The following ZMAT4 variants were observed in gnomAD, a reference collection of about 807,000 sequenced individuals.
ZMAT4 encodes the protein zinc finger matrin-type protein 4.
In ZMAT4, 17 loss-of-function variants were observed where a neutral mutation model predicts 28.7. That is an observed-to-expected ratio of 0.59 (90% CI 0.41 to 0.89). ZMAT4 has a LOEUF of 0.89. Ranked by LOEUF, ZMAT4 falls within the 40% of genes least tolerant of loss-of-function variation. The probability of loss-of-function intolerance (pLI) is 0.00; values close to 1 mark genes in which losing one functional copy is unlikely to be tolerated. For synonymous variants in ZMAT4, 117 were observed against 109.2 expected, an observed-to-expected ratio of 1.07 and a Z score of -0.44; for missense variants, 240 against 283.8, an observed-to-expected ratio of 0.85 and a Z score of 1.11.
intron 2 of ZMAT4, among the ~76,000 whole-genome samples, chr8:40,782,254 T>G (rs1813867762): frequency 6.6e-6 from 1 of 151,842 alleles, no homozygotes; most frequent in Admixed American, 6.6e-5. Flanking sequence ...GGCATGGTGG[T>G]GGGTGCCTGT....
chr8:40,611,010 G>C (rs916438949), intron 5 of ZMAT4, among the ~76,000 whole-genome samples: 1 of 150,498 alleles, frequency 6.6e-6, no homozygotes, highest in Non-Finnish European at 1.5e-5. Context: ...AAAAAGACCC[G>C]AGTGGCATCT....
At chr8:40,880,719 G>C (rs1006132652) in intron 1 of ZMAT4, among the ~76,000 whole-genome samples, 2 of 152,128 alleles carry the variant, frequency 1.3e-5, no homozygotes, top group African/African-American at 4.8e-5. Context: ...CTCCACGCTT[G>C]GCTCCAAAGC....
At chr8:40,547,833 A>G (rs768212183) in intron 6 of ZMAT4, among the ~76,000 whole-genome samples, 1 of 152,232 alleles carries the variant, frequency 6.6e-6, no homozygotes, top group East Asian at 1.9e-4. Flanking sequence ...GAGACTCACG[A>G]TGAATGAAAA....
At chr8:40,647,927 T>A (rs983981566) in intron 5 of ZMAT4, among the ~76,000 whole-genome samples, 13 of 152,054 alleles carry the variant, frequency 8.5e-5, no homozygotes, top group Non-Finnish European at 1.6e-4. Context: ...CATCTGTACA[T>A]CACCATCATC....
At chr8:40,570,952 G>A (rs1804078682) in intron 6 of ZMAT4, among the ~76,000 whole-genome samples, 1 of 152,072 alleles carries the variant, frequency 6.6e-6, no homozygotes, top group African/African-American at 2.4e-5. Flanking sequence ...ATTGGTACTG[G>A]AGGACTAATC....
intron 4 of ZMAT4, among the ~76,000 whole-genome samples, chr8:40,689,984 C>T (rs1051457587): frequency 3.9e-5 from 6 of 152,040 alleles, no homozygotes; most frequent in African/African-American, 1.4e-4. Context: ...GCAGTAGGCT[C>T]CTTGTTAAAA....
At chr8:40,833,555 A>AAAAAAAAAAAAAAAAAAAAAAAAAAAAC in intron 1 of ZMAT4, among the ~76,000 whole-genome samples, 1 of 150,632 alleles carries the variant, frequency 6.6e-6, no homozygotes, top group Non-Finnish European at 1.5e-5. Flanking sequence ...AAAAAAAAAA[A>AAAAAAAAAAAAAAAAAAAAAAAAAAAAC]AAAGACATGA....
chr8:40,847,492 CT>C (rs1286878075), intron 1 of ZMAT4, among the ~76,000 whole-genome samples: 1 of 152,152 alleles, frequency 6.6e-6, no homozygotes. Context: ...TTAAGCCTCC[CT>C]AGTTTCAGCC....
At chr8:40,803,971 A>G (rs1483254343) in intron 2 of ZMAT4, among the ~76,000 whole-genome samples, 1 of 152,220 alleles carries the variant, frequency 6.6e-6, no homozygotes, top group Non-Finnish European at 1.5e-5. Context: ...TACATTTAAG[A>G]AGCTAATCTG....
intron 3 of ZMAT4, among the ~76,000 whole-genome samples, chr8:40,725,746 G>A (rs905691686): frequency 3.9e-5 from 6 of 152,084 alleles, no homozygotes; most frequent in Admixed American, 3.3e-4. Flanking sequence ...ACTCCAGCCT[G>A]GTGTCAGAGT....
At chr8:40,840,706 C>G (rs1816669497) in intron 1 of ZMAT4, among the ~76,000 whole-genome samples, 1 of 152,140 alleles carries the variant, frequency 6.6e-6, no homozygotes, top group African/African-American at 2.4e-5. Context: ...GGCATTGTTT[C>G]TGGTGATGCT....
intron 1 of ZMAT4, among the ~76,000 whole-genome samples, chr8:40,834,147 C>G (rs1359761619): frequency 6.6e-6 from 1 of 152,194 alleles, no homozygotes; most frequent in East Asian, 1.9e-4. Flanking sequence ...TGCACCTCAC[C>G]CCAGCCGCGG....
intron 2 of ZMAT4, among the ~76,000 whole-genome samples, chr8:40,801,351 A>ATATATATATATATATATATATAT (rs1554559738): frequency 1.0e-4 from 10 of 97,248 alleles, no homozygotes; most frequent in African/African-American, 3.7e-4. Flanking sequence ...TAAAAAAAAA[A>ATATATATATATATATATATATAT]ATATATATAT....
chr8:40,631,803 T>C (rs916858006), intron 5 of ZMAT4, among the ~76,000 whole-genome samples: 7 of 152,156 alleles, frequency 4.6e-5, no homozygotes, highest in African/African-American at 1.4e-4. Flanking sequence ...TGATTTCTGG[T>C]AGGAGAGCTA....
chr8:40,663,669 T>C (rs765912298), intron 5 of ZMAT4, among the ~76,000 whole-genome samples: 1 of 152,078 alleles, frequency 6.6e-6, no homozygotes, highest in African/African-American at 2.4e-5. Context: ...TCAGAGTGAG[T>C]CTACATAGAA....
intron 4 of ZMAT4, among the ~76,000 whole-genome samples, chr8:40,683,957 C>T (rs890632924): frequency 6.6e-6 from 1 of 151,646 alleles, no homozygotes; most frequent in Non-Finnish European, 1.5e-5. Context: ...CCCAGCCACA[C>T]AGGGAGGGGC....
At chr8:40,755,945 T>C (rs879676952) in intron 3 of ZMAT4, among the ~76,000 whole-genome samples, 1 of 152,174 alleles carries the variant, frequency 6.6e-6, no homozygotes, top group Non-Finnish European at 1.5e-5. Context: ...TCGCATCTAT[T>C]GATTTTCTAA....
intron 1 of ZMAT4, among the ~76,000 whole-genome samples, chr8:40,876,646 T>G (rs2150659265): frequency 6.6e-6 from 1 of 152,328 alleles, no homozygotes; most frequent in East Asian, 1.9e-4. Flanking sequence ...TATTTTCTTT[T>G]CTCTAGCTTA....
chr8:40,752,104 A>C lies in ZMAT4; in HGVS notation c.192+15537T>G, dbSNP rs542614975. Reference sequence around the variant, plus strand: ...AAGTAACCCCAGTCCTCCTACTGGAAGCACATATCAGATCACTGCTGACTT... The same window carrying C: ...AAGTAACCCCAGTCCTCCTACTGGACGCACATATCAGATCACTGCTGACTT... On this transcript the variant is annotated intron_variant, in intron 3 of 6. Transcript: ENST00000297737. Among the ~76,000 whole-genome samples, 5 of 152,128 alleles carry C rather than the reference A, an allele frequency of 3.3e-5. No homozygotes were observed. In the South Asian group the frequency reaches 1.0e-3, roughly 32 times the overall value.
Sources: gnomAD v4.1 joint callset for allele counts (sites outside exome capture counted in the v4.1 genomes callset) on GRCh38, gnomAD v4.1.1 for gene constraint, MANE v1.5 for transcripts, NCBI Gene and HGNC (gene_info 2026-07-23, HGNC 2026-07-21) for gene names.